Variants in POM121L2 observed in about 807,000 individuals in gnomAD.
The protein encoded by POM121L2 is POM121-like protein 2.
For synonymous variants in POM121L2, 459 were observed against 483.8 expected (o/e 0.95, Z 0.67); for missense variants, 1,167 against 1,260.3 (o/e 0.93, Z 1.12).
Position 27,309,286 on chromosome 6 carries a change from G to A in POM121L2, c.2885C>T (p.Ala962Val), listed in dbSNP as rs1360823595. The A allele has an allele frequency of 6.4e-7, 1 of 1,551,448 alleles. No individual in the cohort carries two copies. Among genetic ancestry groups the A allele is most frequent in the African/African-American group, 1.4e-5 (1 of 73,048 alleles). Residue 962 changes from alanine to valine, a missense_variant, in exon 1 of 1, where the codon GCA becomes GTA. Transcript: ENST00000444565. ...AFSLGRGSIS[A>V]RKTMAPIAQN... ...AGCAATGGGGGCCATAGTCTTTCTT[G>A]CAGAAATGCTGCCTCTCCCCAAGGA...
chr6:27,308,522 G>T lies in POM121L2; in HGVS notation c.*541C>A, dbSNP rs534595081. Among the ~76,000 whole-genome samples, 6 of 152,200 alleles carry T rather than the reference G, an allele frequency of 3.9e-5. No homozygotes were observed. The East Asian group carries it at 5.8e-4, about 15-fold the overall frequency. On this transcript the variant is annotated 3_prime_UTR_variant, in exon 1 of 1. Coordinates refer to ENST00000444565, the MANE Select transcript of POM121L2 (RefSeq NM_033482.4). Reference sequence around the variant, plus strand: ...AATGGATTTTTAATCAGCAATAAAAGAAATAAATTATTGATATAAGTAACA... The same window carrying T: ...AATGGATTTTTAATCAGCAATAAAATAAATAAATTATTGATATAAGTAACA...
At position 27,308,949 on chromosome 6, in the gene POM121L2, A is replaced by G; in HGVS notation, c.*114T>C. ...ATTAGGACACACAGTGTGAACATCT[A>G]AAGCTCCAGTTTTAGATCTGGAGTA... On this transcript the variant is annotated 3_prime_UTR_variant, in exon 1 of 1. Coordinates refer to ENST00000444565, the MANE Select transcript of POM121L2 (RefSeq NM_033482.4). 1.2e-6 allele frequency: 1 copy of G among 805,938 alleles called. No homozygotes were observed. Among genetic ancestry groups the G allele is most frequent in the Non-Finnish European group, 1.9e-6 (1 of 512,870 alleles). The allele number at this position is 805,938 out of a possible 1,614,324, so 49.9% of individuals were successfully genotyped here. A position where few individuals can be genotyped will look rare whatever the true frequency, so the allele number is the denominator to read the frequency against.
chr6:27,309,840 A>C lies in POM121L2; in HGVS notation c.2331T>G (p.Gly777=). The change falls in exon 1 of 1, where the codon GGT becomes GGG. Residue 777 remains glycine (G), a synonymous_variant. Coordinates refer to ENST00000444565, the MANE Select transcript of POM121L2 (RefSeq NM_033482.4). ...GCCCTTGTTTCTGTCCATTTGTGGCACCAAATGCAGGCTGGGGATTAGCTC... is the reference window on the plus strand; with the variant it reads ...GCCCTTGTTTCTGTCCATTTGTGGCCCCAAATGCAGGCTGGGGATTAGCTC... ...SQGANPQPAF[G]ATNGQKQGPS... 6.4e-7 allele frequency: 1 copy of C among 1,551,758 alleles called. No individual in the cohort carries two copies. The highest frequency in any genetic ancestry group is 8.7e-7 in the Non-Finnish European group (1 of 1,147,008).
Position 27,311,365 on chromosome 6 carries a change from G to C in POM121L2, c.806C>G (p.Pro269Arg). The change falls in exon 1 of 1, where the codon CCT becomes CGT. Residue 269 changes from proline (P) to arginine (R), a missense_variant. Physicochemically the swap from Pro to Arg is moderately radical, Grantham distance 103. Transcript: ENST00000444565. ...SYSSCRNFSD[P>R]WKRSVPSVSF... ...TACACTGGGAACACTTCTCTTCCAA[G>C]GGTCTGAGAAATTTCTGCAAGAGCT... 6.4e-7 allele frequency: 1 copy of C among 1,551,712 alleles called. No homozygotes were observed. The highest frequency in any genetic ancestry group is 8.7e-7 in the Non-Finnish European group (1 of 1,146,998).
chr6:27,309,548 C>G lies in POM121L2; in HGVS notation c.2623G>C (p.Gly875Arg). ...FRIVIQTHQSGAFGSVFGSRA... is the reference protein window; with the variant it reads ...FRIVIQTHQSRAFGSVFGSRA... ...CTGCCAAACACTGAGCCAAAAGCCC[C>G]ACTTTGGTGGGTCTGAATTACAATT... Residue 875 changes from glycine to arginine, a missense_variant, in exon 1 of 1, where the codon GGG (glycine) becomes CGG (arginine). By Grantham distance (125) the Gly-to-Arg change is moderately radical. Transcript: ENST00000444565. The G allele has an allele frequency of 1.9e-6, 3 of 1,552,118 alleles. No individual in the cohort carries two copies. The highest frequency in any genetic ancestry group is 2.6e-6 in the Non-Finnish European group (3 of 1,147,102).
At position 27,311,949 on chromosome 6, in the gene POM121L2, C is replaced by T. The variant is rs1581500483; in HGVS notation, c.222G>A (p.Glu74=). 1 of 1,551,462 alleles carries T rather than the reference C, an allele frequency of 6.4e-7. No individual in the cohort carries two copies. The highest frequency in any genetic ancestry group is 8.7e-7 in the Non-Finnish European group (1 of 1,146,936). Residue 74 remains glutamate, a synonymous_variant, in exon 1 of 1, where the codon GAG becomes GAA. Transcript: ENST00000444565. ...TCTTCATGGGAAAGCGCCTCCAGGCCTCGTTGGCCAGCCACGTGGTTGGAT... is the reference window on the plus strand; with the variant it reads ...TCTTCATGGGAAAGCGCCTCCAGGCTTCGTTGGCCAGCCACGTGGTTGGAT... The part of the protein sequence containing the change: ...PANPTTWLAN[E]AWRRFPMKKS...
rs200393466 is a variant in POM121L2 at position 27,310,157 on chromosome 6, C to A, written c.2014G>T (p.Ala672Ser). ...CDTFLLGTAQ[A>S]FRADFTPATG... is the part of the protein sequence containing the mutation. ...GCTGGGGTGAAGTCGGCCCTGAAGG[C>A]CTGAGCAGTCCCAAGCAGGAAAGTG... is the stretch of plus-strand genomic sequence containing the variant. The change falls in exon 1 of 1, where the codon GCC becomes TCC. Residue 672 changes from alanine (A) to serine (S), a missense_variant. Coordinates refer to ENST00000444565, the MANE Select transcript of POM121L2 (RefSeq NM_033482.4). The A allele has an allele frequency of 3.3e-5, 51 of 1,551,772 alleles. 1 individual carries two copies. The Middle Eastern group carries it at 5.0e-4, about 15-fold the overall frequency.
rs762946029 is a variant in POM121L2 at position 27,310,493 on chromosome 6, C to T, written c.1678G>A (p.Ala560Thr). The T allele has an allele frequency of 2.9e-5, 45 of 1,552,168 alleles. No homozygotes were observed. In the Admixed American group the frequency reaches 8.2e-4, roughly 28 times the overall value. Residue 560 changes from alanine to threonine, a missense_variant, in exon 1 of 1, where the codon GCA (alanine) becomes ACA (threonine). Transcript: ENST00000444565. ...GTGGAAAGGGAAGAGATTGAAGATGCTGCAGCTGTGACTGAAATTCTGGAA... is the reference window on the plus strand; with the variant it reads ...GTGGAAAGGGAAGAGATTGAAGATGTTGCAGCTGTGACTGAAATTCTGGAA... Reference protein sequence around the residue: ...SYSRISVTAAASSISSLSTIQ... With the variant: ...SYSRISVTAATSSISSLSTIQ...
rs1441416054 is a variant in POM121L2 at position 27,309,444 on chromosome 6, A to G, written c.2727T>C (p.Gly909=). Residue 909 remains glycine, a synonymous_variant, in exon 1 of 1, where the codon GGT becomes GGC. Transcript: ENST00000444565. ...CTCCAGAGGTGGGGCTCATGTCTGGACCAGTCATTATGATCCCAGACTCAT... is the reference window on the plus strand; with the variant it reads ...CTCCAGAGGTGGGGCTCATGTCTGGGCCAGTCATTATGATCCCAGACTCAT... ...DCDESGIIMT[G]PDMSPTSGAF... The G allele has an allele frequency of 1.9e-6, 3 of 1,551,540 alleles. No homozygotes were observed. Among genetic ancestry groups the G allele is most frequent in the South Asian group, 1.2e-5 (1 of 84,040 alleles).
rs1035983669 is a variant in POM121L2, at chr6:27,311,864, G to A, written c.307C>T (p.Arg103Trp). ...PSDWWESYLK[R>W]TIWSLRHPRP... Reference sequence around the variant, plus strand: ...GGATGTCGAAGAGACCAAATAGTCCGCTTTAAGTAACTTTCCCACCAGTCT... The same window carrying A: ...GGATGTCGAAGAGACCAAATAGTCCACTTTAAGTAACTTTCCCACCAGTCT... Residue 103 changes from arginine (R) to tryptophan (W), a missense_variant, in exon 1 of 1, where the codon CGG (arginine) becomes TGG (tryptophan). Transcript: ENST00000444565. The A allele has an allele frequency of 6.4e-7, 1 of 1,551,730 alleles. No homozygotes were observed. The highest frequency in any genetic ancestry group is 8.7e-7 in the Non-Finnish European group (1 of 1,147,006).
chr6:27,309,642 G>A lies in POM121L2; in HGVS notation c.2529C>T (p.Ser843=). The A allele has an allele frequency of 6.4e-7, 1 of 1,551,736 alleles. No homozygotes were observed. The change falls in exon 1 of 1, where the codon AGC becomes AGT. Residue 843 remains serine, a synonymous_variant. Coordinates refer to ENST00000444565, the MANE Select transcript of POM121L2 (RefSeq NM_033482.4). Reference sequence around the variant, plus strand: ...GAATGCCGCCAATGCCTGACCAGGTGCTGGCAGGGGTTTGAGAGGTGGAGG... The same window carrying A: ...GAATGCCGCCAATGCCTGACCAGGTACTGGCAGGGGTTTGAGAGGTGGAGG... ...PSASTSQTPA[S]TWSGIGGIPA... is the part of the protein sequence containing the mutation.
chr6:27,312,011 T>A (rs1263097354), upstream of POM121L2: 1 of 1,542,042 alleles, frequency 6.5e-7, no homozygotes, highest in Non-Finnish European at 8.8e-7. The surrounding 1 kb of genome is among the most constrained non-coding windows in gnomAD (Gnocchi z 6.7). Flanking sequence ...CTCACAGGTC[T>A]ATACCGTGGG....
rs774080147 is a variant in POM121L2 at position 27,311,472 on chromosome 6, A to G, written c.699T>C (p.Asn233=). ...TGGCCAAGGAGCTCATGGAGGAGCA[A>G]TTGGGCCTCTTAGTCAAGCTGTGAT... The part of the protein sequence containing the change: ...GSDHSLTKRP[N]CSSMSSLASI... The change falls in exon 1 of 1, where the codon AAT becomes AAC. Residue 233 remains asparagine (N), a synonymous_variant. Coordinates refer to ENST00000444565, the MANE Select transcript of POM121L2 (RefSeq NM_033482.4). 1.9e-6 allele frequency: 3 copies of G among 1,551,802 alleles called. No individual in the cohort carries two copies. The highest frequency in any genetic ancestry group is 1.2e-5 in the South Asian group (1 of 84,068).
chr6:27,309,364 C>A lies in POM121L2; in HGVS notation c.2807G>T (p.Gly936Val). 6.4e-7 allele frequency: 1 copy of A among 1,551,570 alleles called. No individual in the cohort carries two copies. The highest frequency in any genetic ancestry group is 8.7e-7 in the Non-Finnish European group (1 of 1,146,922). ...SGTTNTMIPFGKGWSQNTEGL... is the reference protein window; with the variant it reads ...SGTTNTMIPFVKGWSQNTEGL... Reference sequence around the variant, plus strand: ...TTCAGTGTTCTGGCTCCAGCCTTTTCCAAAGGGGATCATGGTGTTAGTGGT... The same window carrying A: ...TTCAGTGTTCTGGCTCCAGCCTTTTACAAAGGGGATCATGGTGTTAGTGGT... Residue 936 changes from glycine to valine, a missense_variant, in exon 1 of 1, where the codon GGA becomes GTA. By Grantham distance (109) the Gly-to-Val change is moderately radical (BLOSUM62 -3). Transcript: ENST00000444565.
rs952553995 is a variant in POM121L2 at position 27,311,482 on chromosome 6, T to G, written c.689A>C (p.Lys230Thr). The G allele has an allele frequency of 7.7e-6, 12 of 1,551,708 alleles. No individual in the cohort carries two copies. The African/African-American group carries it at 1.5e-4, about 19-fold the overall frequency. ...HSWGSDHSLT[K>T]RPNCSSMSSL... The stretch of plus-strand genomic sequence containing the variant: ...GCTCATGGAGGAGCAATTGGGCCTC[T>G]TAGTCAAGCTGTGATCTGAGCCCCA... The change falls in exon 1 of 1, where the codon AAG (lysine) becomes ACG (threonine). Residue 230 changes from lysine (K) to threonine (T), a missense_variant. Transcript: ENST00000444565.
In POM121L2 at chr6:27,309,742, G is replaced by C. The variant is rs41269259; in HGVS notation, c.2429C>G (p.Thr810Ser). The change falls in exon 1 of 1, where the codon ACC (threonine) becomes AGC (serine). Residue 810 changes from threonine (T) to serine (S), a missense_variant. Coordinates refer to ENST00000444565, the MANE Select transcript of POM121L2 (RefSeq NM_033482.4). ...LFGSSAVALP[T>S]PMPTPAQPAF... ...TGGCTGAGCTGGAGTTGGCATGGGGGTTGGCAATGCCACTGCTGAGCTCCC... is the reference window on the plus strand; with the variant it reads ...TGGCTGAGCTGGAGTTGGCATGGGGCTTGGCAATGCCACTGCTGAGCTCCC... 1 of 1,551,718 alleles carries C rather than the reference G, an allele frequency of 6.4e-7. No individual in the cohort carries two copies.
Position 27,309,013 on chromosome 6 carries a change from A to C in POM121L2, c.*50T>G. ...AAATTGGAAGACACTGAGGTTTTTC[A>C]AAAACAATACTGAGGTCTAAATCAG... On this transcript the variant is annotated 3_prime_UTR_variant, in exon 1 of 1. Transcript: ENST00000444565. The C allele has an allele frequency of 1.4e-6, 2 of 1,412,622 alleles. No individual in the cohort carries two copies. Among genetic ancestry groups the C allele is most frequent in the Non-Finnish European group, 1.9e-6 (2 of 1,057,564 alleles). The allele number at this position is 1,412,622 out of a possible 1,614,324, so 87.5% of individuals were successfully genotyped here. A position where few individuals can be genotyped will look rare whatever the true frequency, so the allele number is the denominator to read the frequency against.
At chr6:27,310,093 AT>A in intron 1 of POM121L2, 1 of 1,552,150 alleles carries the variant, frequency 6.4e-7, no homozygotes, top group Non-Finnish European at 8.7e-7. Flanking sequence ...CACAGTAGGA[AT>A]TGTAGGATGG....
In POM121L2 at chr6:27,309,938, T is replaced by C. The variant is rs1163118851; in HGVS notation, c.2233A>G (p.Ile745Val). Reference sequence around the variant, plus strand: ...GTGATTGCTGGAGTCAGGTTGGAGATGCTGGGGGTTGATGCAAGCCAGTTT... The same window carrying C: ...GTGATTGCTGGAGTCAGGTTGGAGACGCTGGGGGTTGATGCAAGCCAGTTT... ...STNWLASTPS[I>V]SNLTPAITSP... Residue 745 changes from isoleucine to valine, a missense_variant, in exon 1 of 1, where the codon ATC (isoleucine) becomes GTC (valine). By Grantham distance (29) the Ile-to-Val change is conservative (BLOSUM62 3). Coordinates refer to ENST00000444565, the MANE Select transcript of POM121L2 (RefSeq NM_033482.4). 5 of 1,551,590 alleles carry C rather than the reference T, an allele frequency of 3.2e-6. No homozygotes were observed. The highest frequency in any genetic ancestry group is 2.7e-5 in the African/African-American group (2 of 73,026).
Sources: allele counts gnomAD v4.1 joint callset (sites outside exome capture counted in the v4.1 genomes callset), GRCh38; gene constraint gnomAD v4.1.1; non-coding constraint Gnocchi (gnomAD v3.1); transcripts MANE v1.5; gene names NCBI Gene and HGNC (gene_info 2026-07-23, HGNC 2026-07-21).